The following ATRNL1 variants were observed in gnomAD, a reference collection of about 807,000 sequenced individuals.
ATRNL1 encodes attractin-like protein 1.
ATRNL1 carries 95 observed loss-of-function variants against 182.7 expected under a neutral mutation model. The ratio of observed to expected loss-of-function variants is 0.52; its 90% CI spans 0.44 to 0.62. ATRNL1 has a LOEUF of 0.62. Among genes scored for constraint, ATRNL1 ranks in the 20% least tolerant of loss-of-function variants. The pLI is 0.00. For synonymous variants in ATRNL1, 576 were observed against 568.3 expected, an observed-to-expected ratio of 1.01 and a Z score of -0.19; for missense variants, 1,471 against 1,679.5, an observed-to-expected ratio of 0.88 and a Z score of 2.17.
intron 26 of ATRNL1, among the ~76,000 whole-genome samples, chr10:115,698,688 G>A (rs1490810160): frequency 1.3e-5 from 2 of 151,910 alleles, no homozygotes; most frequent in East Asian, 1.9e-4. Context: ...TGAGGCAGGA[G>A]AATCACTTGA....
At chr10:115,440,449 A>C (rs1320764700) in intron 21 of ATRNL1, among the ~76,000 whole-genome samples, 2 of 151,966 alleles carry the variant, frequency 1.3e-5, no homozygotes, top group African/African-American at 4.8e-5. Flanking sequence ...ATCACCTATG[A>C]AATACCAAAT....
At chr10:115,575,540 G>A (rs1854648468) in intron 26 of ATRNL1, among the ~76,000 whole-genome samples, 1 of 152,016 alleles carries the variant, frequency 6.6e-6, no homozygotes, top group African/African-American at 2.4e-5. Context: ...GTAGTCATTT[G>A]CCGTTCCTGT....
At chr10:115,847,347 A>G (rs1357445881) in intron 27 of ATRNL1, among the ~76,000 whole-genome samples, 1 of 152,096 alleles carries the variant, frequency 6.6e-6, no homozygotes, top group Non-Finnish European at 1.5e-5. Flanking sequence ...AAATGTGCTA[A>G]GAGAGTGTAT....
At chr10:115,534,682 A>T (rs561672714) in intron 25 of ATRNL1, among the ~76,000 whole-genome samples, 1 of 151,348 alleles carries the variant, frequency 6.6e-6, no homozygotes, top group Non-Finnish European at 1.5e-5. Context: ...TGGTTAGTTG[A>T]TGCAGTTTCT....
intron 10 of ATRNL1, among the ~76,000 whole-genome samples, chr10:115,248,496 C>T (rs1199643865): frequency 6.6e-6 from 1 of 152,014 alleles, no homozygotes; most frequent in Non-Finnish European, 1.5e-5. Context: ...AACTGTGATT[C>T]GTTATCTGGG....
chr10:115,823,957 C>A (rs538135172), intron 27 of ATRNL1, among the ~76,000 whole-genome samples: 2 of 152,222 alleles, frequency 1.3e-5, no homozygotes, highest in South Asian at 2.1e-4. Flanking sequence ...CAAAAAAGAT[C>A]CCATATAGCC....
intron 26 of ATRNL1, among the ~76,000 whole-genome samples, chr10:115,620,427 A>T (rs571291248): frequency 6.6e-6 from 1 of 152,200 alleles, no homozygotes; most frequent in African/African-American, 2.4e-5. Flanking sequence ...CTTATCAAGG[A>T]GTTACATAAA....
Position 115,295,129 on chromosome 10 carries a change from T to G in ATRNL1, c.2416-4905T>G, listed in dbSNP as rs531346302. The stretch of plus-strand genomic sequence containing the variant: ...CAAGCTTAAGATGTGAGTGTATAGC[T>G]GCTCAGTTGGCCTGGAAAGATTTTT... On this transcript the variant is annotated intron_variant, in intron 15 of 28. Coordinates refer to ENST00000355044, the MANE Select transcript of ATRNL1 (RefSeq NM_207303.4). 7.1e-4 allele frequency among the ~76,000 whole-genome samples: 108 copies of G among 152,224 alleles called. No homozygotes were observed. In the South Asian group the frequency reaches 0.02, roughly 28 times the overall value.
At chr10:115,292,503 T>C (rs1465693919) in intron 15 of ATRNL1, among the ~76,000 whole-genome samples, 3 of 152,056 alleles carry the variant, frequency 2.0e-5, no homozygotes, top group African/African-American at 7.2e-5. Context: ...TGTTTATTAC[T>C]ATAAACTTCC....
chr10:115,097,593 A>G (rs2085046860), intron 1 of ATRNL1, among the ~76,000 whole-genome samples: 1 of 152,192 alleles, frequency 6.6e-6, no homozygotes, highest in African/African-American at 2.4e-5. Flanking sequence ...AAAAACGGGC[A>G]GAATAAAGTG....
intron 19 of ATRNL1, among the ~76,000 whole-genome samples, chr10:115,340,718 C>T (rs576592815): frequency 1.3e-5 from 2 of 151,112 alleles, no homozygotes; most frequent in Non-Finnish European, 3.0e-5. Context: ...TGTTATTGGT[C>T]TGTTCAGGTT....
intron 26 of ATRNL1, among the ~76,000 whole-genome samples, chr10:115,563,411 C>A (rs1384444798): frequency 6.6e-6 from 1 of 152,144 alleles, no homozygotes; most frequent in African/African-American, 2.4e-5. Flanking sequence ...CCGTGCTGAG[C>A]AATTCTCTTC....
chr10:115,781,527 G>A (rs1465252219), intron 27 of ATRNL1, among the ~76,000 whole-genome samples: 2 of 152,144 alleles, frequency 1.3e-5, no homozygotes, highest in Admixed American at 6.5e-5. Flanking sequence ...CCATATGGGT[G>A]AATCCCACAA....
chr10:115,381,443 T>TTTTTTTTTTTTTTTTTTTTTTTTTG, intron 19 of ATRNL1, among the ~76,000 whole-genome samples: 1 of 139,174 alleles, frequency 7.2e-6, no homozygotes, highest in Non-Finnish European at 1.6e-5. Flanking sequence ...TTTTTTTTTT[T>TTTTTTTTTTTTTTTTTTTTTTTTTG]TTTTTTAGTA....
rs782331876 is a variant in ATRNL1, at chr10:115,945,154, TAC to T, written c.*377_*378del. 1.0e-4 allele frequency: 16 copies of T among 155,804 alleles called. No homozygotes were observed. The highest frequency in any genetic ancestry group is 1.9e-4 in the African/African-American group (8 of 41,564). The allele number at this position is 155,804 out of a possible 1,614,324, so 9.7% of individuals were successfully genotyped here. ...TTTAATGCCTGAATGATGAGAATTG[TAC>T]AGTTTTTGCCTCATAAGCAAACTTG... is the stretch of plus-strand genomic sequence containing the variant. On this transcript the variant is annotated 3_prime_UTR_variant, in exon 29 of 29. Coordinates refer to ENST00000355044, the MANE Select transcript of ATRNL1 (RefSeq NM_207303.4).
At chr10:115,151,408 G>A (rs1449737389) in intron 5 of ATRNL1, among the ~76,000 whole-genome samples, 2 of 152,024 alleles carry the variant, frequency 1.3e-5, no homozygotes, top group African/African-American at 2.4e-5. Context: ...TTTAATGATC[G>A]CCATTCTAAC....
At chr10:115,834,710 C>T (rs79826006) in intron 27 of ATRNL1, among the ~76,000 whole-genome samples, 3 of 152,128 alleles carry the variant, frequency 2.0e-5, no homozygotes, top group Non-Finnish European at 4.4e-5. Context: ...ACGTGTAGAA[C>T]CACAGTGATG....
chr10:115,196,562 G>T (rs1279917330), intron 8 of ATRNL1, among the ~76,000 whole-genome samples: 1 of 136,174 alleles, frequency 7.3e-6, no homozygotes, highest in African/African-American at 2.5e-5. Context: ...CATGGACATG[G>T]TATATCACTT....
At chr10:115,496,473 T>C (rs1201580673) in intron 24 of ATRNL1, among the ~76,000 whole-genome samples, 1 of 152,186 alleles carries the variant, frequency 6.6e-6, no homozygotes, top group Non-Finnish European at 1.5e-5. Context: ...GAAAGCTTTT[T>C]CTCTATATAT....
Sources: gnomAD v4.1 joint callset for allele counts (sites outside exome capture counted in the v4.1 genomes callset) on GRCh38, gnomAD v4.1.1 for gene constraint, MANE v1.5 for transcripts, NCBI Gene and HGNC (gene_info 2026-07-23, HGNC 2026-07-21) for gene names.